The following P2RX4 variants were observed in gnomAD, a reference collection of about 807,000 sequenced individuals.
The protein encoded by P2RX4 is P2X purinoceptor 4.
In P2RX4, 37 loss-of-function variants were observed where a neutral mutation model predicts 48.0. That is an observed-to-expected ratio of 0.77 (90% CI 0.59 to 1.01). P2RX4 has a LOEUF of 1.01. Among genes scored for constraint, P2RX4 ranks in the 50% least tolerant of loss-of-function variants. The pLI, the probability that P2RX4 is intolerant of heterozygous loss-of-function variation, is 0.00. For synonymous variants in P2RX4, 200 were observed against 199.7 expected (o/e 1.00, Z -0.01); for missense variants, 501 against 521.4 (o/e 0.96, Z 0.38).
chr12:121,228,180 A>G (rs2136240261), intron 5 of P2RX4, among the ~76,000 whole-genome samples: 1 of 152,018 alleles, frequency 6.6e-6, no homozygotes, highest in Non-Finnish European at 1.5e-5. Flanking sequence ...ACTTGAGGCC[A>G]GGAGTTGGAG....
chr12:121,230,980 A>T (rs1014948444), intron 8 of P2RX4, among the ~76,000 whole-genome samples: 2 of 129,190 alleles, frequency 1.5e-5, no homozygotes, highest in African/African-American at 6.7e-5. Context: ...TTATATATAT[A>T]TATTTTTTTT....
rs1566004131 is a variant in P2RX4 at position 121,222,092 on chromosome 12, A to G, written c.355-2A>G. ...CTTTCTTTTCGCTCCTTCTTTTTCC[A>G]GATTCCAGATGCGACCACTGTGTGT... On this transcript the variant is annotated splice_acceptor_variant, in intron 3 of 11. Coordinates refer to ENST00000337233, the MANE Select transcript of P2RX4 (RefSeq NM_002560.3). LOFTEE classifies it high-confidence loss of function. 1 of 1,612,454 alleles carries G rather than the reference A, an allele frequency of 6.2e-7. No homozygotes were observed. The highest frequency in any genetic ancestry group is 1.1e-5 in the South Asian group (1 of 91,058).
chr12:121,233,711 C>T lies in P2RX4; in HGVS notation c.*162C>T, dbSNP rs1887526517. 1.3e-6 allele frequency: 2 copies of T among 1,489,648 alleles called. No homozygotes were observed. The highest frequency in any genetic ancestry group is 1.8e-6 in the Non-Finnish European group (2 of 1,114,144). The allele number at this position is 1,489,648 out of a possible 1,614,324, so 92.3% of individuals were successfully genotyped here. On this transcript the variant is annotated 3_prime_UTR_variant, in exon 12 of 12. Transcript: ENST00000337233. The stretch of plus-strand genomic sequence containing the variant: ...CCCAGCAGCTCCTGTGTGTTGTGTG[C>T]AGGATCTGTTTGCCCACTCGGCCCA...
At chr12:121,218,361 G>A (rs1414831671) in intron 2 of P2RX4, among the ~76,000 whole-genome samples, 3 of 152,114 alleles carry the variant, frequency 2.0e-5, no homozygotes, top group Non-Finnish European at 4.4e-5. Context: ...GTGGGTGCCT[G>A]TAGTCCCAGC....
intron 1 of P2RX4, chr12:121,216,208 A>G (rs1169727): frequency 0.35 from 53,944 of 152,116 alleles, 9,838 homozygotes; most frequent in South Asian, 0.4. Flanking sequence ...CCTGTGTGCT[A>G]TGGGTTAGAC....
chr12:121,219,448 C>T (rs780104029), intron 2 of P2RX4, among the ~76,000 whole-genome samples: 5 of 151,940 alleles, frequency 3.3e-5, no homozygotes, highest in Non-Finnish European at 7.4e-5. Flanking sequence ...TGCCTGGGCC[C>T]AGCCAGGCGC....
Position 121,233,749 on chromosome 12 carries a change from T to G in P2RX4, c.*200T>G. ...CCCACTCGGCCCAGGAGGTCAGCAG[T>G]CTGTTCTTGGCTGGGTCAACTCTGC... On this transcript the variant is annotated 3_prime_UTR_variant, in exon 12 of 12. Coordinates refer to ENST00000337233, the MANE Select transcript of P2RX4 (RefSeq NM_002560.3). 1 of 1,337,596 alleles carries G rather than the reference T, an allele frequency of 7.5e-7. No homozygotes were observed. The highest frequency in any genetic ancestry group is 1.5e-5 in the African/African-American group (1 of 68,410). 82.9% of individuals were successfully genotyped at this position (1,337,596 alleles called of 1,614,324 possible). A position where few individuals can be genotyped will look rare whatever the true frequency, so the allele number is the denominator to read the frequency against.
chr12:121,217,116 G>T lies in P2RX4; in HGVS notation c.135-18G>T, dbSNP rs1446162901. On this transcript the variant is annotated intron_variant, in intron 1 of 11. Coordinates refer to ENST00000337233, the MANE Select transcript of P2RX4 (RefSeq NM_002560.3). ...TTGAATCCTAATGGCAATTTAAGAG[G>T]CCTGTTTTATTTTATAGGTGGGTGT... The T allele has an allele frequency of 6.2e-7, 1 of 1,613,290 alleles. No homozygotes were observed. Among genetic ancestry groups the T allele is most frequent in the South Asian group, 1.1e-5 (1 of 91,068 alleles).
At chr12:121,225,442 GCT>G (rs1886920985) in intron 5 of P2RX4, among the ~76,000 whole-genome samples, 1 of 150,998 alleles carries the variant, frequency 6.6e-6, no homozygotes, top group African/African-American at 2.4e-5. Flanking sequence ...ATGGAGTCTC[GCT>G]CTGTCGCCCA....
Position 121,228,723 on chromosome 12 carries a change from A to C in P2RX4, c.606-2A>C, listed in dbSNP as rs1308751716. 6.2e-7 allele frequency: 1 copy of C among 1,613,888 alleles called. No individual in the cohort carries two copies. Among genetic ancestry groups the C allele is most frequent in the Non-Finnish European group, 8.5e-7 (1 of 1,180,030 alleles). On this transcript the variant is annotated splice_acceptor_variant, in intron 6 of 11. Transcript: ENST00000337233. LOFTEE classifies it high-confidence loss of function. ...TGATTTTCTGCTTCCTCTCGACTTT[A>C]GGAGGAATATCCTTCCCAACATCAC...
rs1887457303 is a variant in P2RX4 at position 121,232,825 on chromosome 12, C to T, written c.1044+149C>T. 2.3e-6 allele frequency: 2 copies of T among 877,256 alleles called. No individual in the cohort carries two copies. Among genetic ancestry groups the T allele is most frequent in the African/African-American group, 3.3e-5 (2 of 61,068 alleles). The allele number at this position is 877,256 out of a possible 1,614,324, so 54.3% of individuals were successfully genotyped here. A position where few individuals can be genotyped will look rare whatever the true frequency, so the allele number is the denominator to read the frequency against. On this transcript the variant is annotated intron_variant, in intron 10 of 11. Transcript: ENST00000337233. This position sits in a 1 kb window ranked among gnomAD's most constrained non-coding sequence, Gnocchi z 4.3. ...CCCTTGGCCCCCAGCCCTCCTCCCA[C>T]CTTCCCTTCTCCAAGACCACCCCCC...
chr12:121,222,784 G>A lies in P2RX4; in HGVS notation c.428-163G>A, dbSNP rs991768013. The A allele has an allele frequency of 1.7e-5, 26 of 1,533,390 alleles. No homozygotes were observed. The Middle Eastern group carries it at 5.0e-4, about 30-fold the overall frequency. The allele number at this position is 1,533,390 out of a possible 1,614,324, so 95.0% of individuals were successfully genotyped here. Reference sequence around the variant, plus strand: ...GGCACACAGGTAACTGTCTTCCTCCGATTCTAACTCCTGGACAGTGACACT... The same window carrying A: ...GGCACACAGGTAACTGTCTTCCTCCAATTCTAACTCCTGGACAGTGACACT... On this transcript the variant is annotated intron_variant, in intron 4 of 11. Transcript: ENST00000337233.
chr12:121,228,379 A>T (rs1364022799), intron 5 of P2RX4, among the ~76,000 whole-genome samples, 154 bp from the exon 6 acceptor site: 1 of 127,072 alleles, frequency 7.9e-6, no homozygotes, highest in African/African-American at 2.8e-5. Context: ...AAAAAAAAAA[A>T]AAAAAAATAT....
rs370266639 is a variant in P2RX4, at chr12:121,233,002, C to G, written c.1050C>G (p.Thr350=). ...GSGLALLGMA[T]VLCDIIVLYC... is the part of the protein sequence containing the mutation. ...TCACCCTATGCTAAACTCAGGCGAC[C>G]GTGCTGTGTGACATCATAGTCCTCT... Residue 350 remains threonine, a synonymous_variant, in exon 11 of 12, where the codon ACC becomes ACG. Transcript: ENST00000337233. 6.2e-7 allele frequency: 1 copy of G among 1,611,226 alleles called. No homozygotes were observed.
intron 1 of P2RX4, chr12:121,215,739 A>G (rs1565999207): frequency 6.6e-6 from 1 of 152,106 alleles, no homozygotes. Context: ...AGAGATCCCT[A>G]TGTTGCCCAG....
rs200553138 is a variant in P2RX4, at chr12:121,217,193, C to T, written c.194C>T (p.Thr65Met). Residue 65 changes from threonine (T) to methionine (M), a missense_variant, in exon 2 of 12, where the codon ACG (threonine) becomes ATG (methionine). Transcript: ENST00000337233. ...ACTGACTCCGTGGTCAGCTCCGTTA[C>T]GACCAAGGTCAAGGGCGTGGCTGTG... ...QETDSVVSSVTTKVKGVAVTN... is the reference protein window; with the variant it reads ...QETDSVVSSVMTKVKGVAVTN... 305 of 1,614,170 alleles carry T rather than the reference C, an allele frequency of 1.9e-4. 1 individual carries two copies. In the South Asian group the frequency reaches 2.1e-3, roughly 11 times the overall value.
Position 121,232,790 on chromosome 12 carries a change from T to C in P2RX4, c.1044+114T>C. ...GATGTGTTTCTAAACTTGACCCTCC[T>C]ACCTTCTTTCCCTTGGCCCCCAGCC... is the stretch of plus-strand genomic sequence containing the variant. On this transcript the variant is annotated intron_variant, in intron 10 of 11. Transcript: ENST00000337233. This position sits in a 1 kb window ranked among gnomAD's most constrained non-coding sequence, Gnocchi z 4.3. The C allele has an allele frequency of 1.0e-6, 1 of 995,756 alleles. No individual in the cohort carries two copies. Among genetic ancestry groups the C allele is most frequent in the Non-Finnish European group, 1.6e-6 (1 of 628,748 alleles). 61.7% of individuals were successfully genotyped at this position (995,756 alleles called of 1,614,324 possible).
At chr12:121,233,368 T>C in intron 11 of P2RX4, 155 bp from the exon 12 acceptor site, 1 of 741,708 alleles carries the variant, frequency 1.3e-6, no homozygotes, top group Non-Finnish European at 2.4e-6. Context: ...GGGCACACAC[T>C]ACTTCAGTGC....
chr12:121,211,967 G>A (rs1164202529), intron 1 of P2RX4, among the ~76,000 whole-genome samples: 3 of 152,104 alleles, frequency 2.0e-5, no homozygotes, highest in Non-Finnish European at 2.9e-5. Flanking sequence ...GAGCCACCGC[G>A]CCCAGACGCA....
Sources: allele counts gnomAD v4.1 joint callset (sites outside exome capture counted in the v4.1 genomes callset), GRCh38; gene constraint gnomAD v4.1.1; non-coding constraint Gnocchi (gnomAD v3.1); transcripts MANE v1.5; gene names NCBI Gene and HGNC (gene_info 2026-07-23, HGNC 2026-07-21).